The following APC variants were observed in gnomAD, a reference collection of about 807,000 sequenced individuals.
APC encodes APC regulator of Wnt signaling pathway.
Under a neutral mutation model 247.0 loss-of-function variants are expected in APC, and 72 were observed. The observed-to-expected ratio is 0.29, with a 90% CI of 0.24 to 0.35. APC has a LOEUF of 0.35. Ranked by LOEUF, APC falls within the 10% of genes least tolerant of loss-of-function variation. The pLI is 1.00. For missense variants in APC, 3,400 were observed against 3,360.7 expected, an observed-to-expected ratio of 1.01 and a Z score of -0.29; for synonymous variants, 1,254 against 1,162.5, an observed-to-expected ratio of 1.08 and a Z score of -1.60.
chr5:112,727,977 C>A (rs1751885820), intron 1 of APC, among the ~76,000 whole-genome samples: 1 of 151,904 alleles, frequency 6.6e-6, no homozygotes, highest in African/African-American at 2.4e-5. Context: ...TTTTATCCCT[C>A]CATAGGAAAG....
intron 6 of APC, among the ~76,000 whole-genome samples, chr5:112,781,206 T>C (rs1758311439): frequency 1.3e-5 from 2 of 152,196 alleles, no homozygotes; most frequent in Non-Finnish European, 2.9e-5. Flanking sequence ...CTTTGAAATT[T>C]TTACTTCTTG....
chr5:112,714,736 A>C (rs1751059219), intron 1 of APC, among the ~76,000 whole-genome samples: 1 of 152,170 alleles, frequency 6.6e-6, no homozygotes. Flanking sequence ...ATCCCTAAAA[A>C]GTTTATTATC....
At chr5:112,797,008 T>A (rs1760277316) in intron 7 of APC, among the ~76,000 whole-genome samples, 1 of 152,140 alleles carries the variant, frequency 6.6e-6, no homozygotes, top group African/African-American at 2.4e-5. Context: ...TAGTACCATT[T>A]ATTAATAGTA....
intron 6 of APC, among the ~76,000 whole-genome samples, chr5:112,783,519 A>G (rs535167966): frequency 6.6e-6 from 1 of 151,790 alleles, no homozygotes; most frequent in Admixed American, 6.6e-5. Context: ...CATGCCAGGC[A>G]TGGTGATTCA....
chr5:112,744,986 T>C (rs1426555084), intron 1 of APC, among the ~76,000 whole-genome samples: 3 of 152,190 alleles, frequency 2.0e-5, no homozygotes, highest in South Asian at 4.1e-4. Context: ...TCATAGGTGG[T>C]TGTGAGGATT....
Position 112,839,711 on chromosome 5 carries a change from C to A in APC, c.4117C>A (p.Pro1373Thr), listed in dbSNP as rs1580644187. 3 of 1,614,128 alleles carry A rather than the reference C, an allele frequency of 1.9e-6. No individual in the cohort carries two copies. Among genetic ancestry groups the A allele is most frequent in the Non-Finnish European group, 2.5e-6 (3 of 1,180,010 alleles). Reference sequence around the variant, plus strand: ...TGGTGCTCAGACACCCAAAAGTCCACCTGAACACTATGTTCAGGAGACCCC... The same window carrying A: ...TGGTGCTCAGACACCCAAAAGTCCAACTGAACACTATGTTCAGGAGACCCC... The part of the protein sequence containing the change: ...KSGAQTPKSP[P>T]EHYVQETPLM... The change falls in exon 16 of 16, where the codon CCT (proline) becomes ACT (threonine). Residue 1373 changes from proline to threonine, a missense_variant. Pro to Thr is a conservative substitution (Grantham distance 38, BLOSUM62 -1). Coordinates refer to ENST00000257430, the MANE Select transcript of APC (RefSeq NM_000038.6). This position sits in a 1 kb window ranked among gnomAD's most constrained non-coding sequence, Gnocchi z 5.0.
chr5:112,820,741 A>G (rs1378511968), intron 10 of APC, among the ~76,000 whole-genome samples: 2 of 152,228 alleles, frequency 1.3e-5, no homozygotes, highest in African/African-American at 2.4e-5. Context: ...AACCTCGTGC[A>G]TAGTATTGAA....
At chr5:112,826,578 A>AT (rs1468376712) in intron 11 of APC, among the ~76,000 whole-genome samples, 117 of 123,984 alleles carry the variant, frequency 9.4e-4, no homozygotes, top group Non-Finnish European at 1.8e-3. Context: ...ACAGATGATC[A>AT]TTTTTTGTAA....
rs369980858 is a variant in APC at position 112,720,505 on chromosome 5, C to T, written c.165+12623C>T. On this transcript the variant is annotated intron_variant, in intron 1 of 13. Coordinates refer to the APC transcript ENST00000507379. ...TCATTAAGTCTCTCATGAACCCTCC[C>T]GTCCTACCCATCTCCTATTTTAAAC... Among the ~76,000 whole-genome samples the T allele has an allele frequency of 1.1e-3, 171 of 152,312 alleles. 4 individuals carry two copies. The South Asian group carries it at 0.033, about 29-fold the overall frequency.
chr5:112,835,194 A>T, intron 15 of APC, 29 bp downstream of exon 15: 1 of 1,569,244 alleles, frequency 6.4e-7, no homozygotes, highest in South Asian at 1.1e-5. Flanking sequence ...ATTACTTTTA[A>T]AGTACAGAAT....
intron 5 of APC, among the ~76,000 whole-genome samples, chr5:112,776,473 T>C (rs543963172): frequency 1.6e-4 from 25 of 152,246 alleles, no homozygotes; most frequent in Non-Finnish European, 3.5e-4. Context: ...TAGGTTTCCA[T>C]GAGCCAAGTC....
intron 15 of APC, among the ~76,000 whole-genome samples, chr5:112,836,165 T>TCCCCCCCCCCCCCCCCCCCC (rs59050067): frequency 3.3e-4 from 8 of 24,492 alleles, no homozygotes; most frequent in Non-Finnish European, 5.1e-4. Flanking sequence ...GGATTACAGG[T>TCCCCCCCCCCCCCCCCCCCC]CCCCCCCCCC....
chr5:112,827,118 G>A lies in APC; in HGVS notation c.1419G>A (p.Gln473=), dbSNP rs141579422. 259 of 1,613,470 alleles carry A rather than the reference G, an allele frequency of 1.6e-4. 1 individual carries two copies. Among genetic ancestry groups the A allele is most frequent in the Admixed American group, 3.7e-4 (22 of 59,946 alleles). The stretch of plus-strand genomic sequence containing the variant: ...CCCTTTTTAAATTAGGGGGACTACA[G>A]GCCATTGCAGAATTATTGCAAGTGG... The part of the protein sequence containing the change: ...RHAMNELGGL[Q]AIAELLQVDC... The change falls in exon 12 of 16, where the codon CAG becomes CAA. Residue 473 remains glutamine (Q), a synonymous_variant. Coordinates refer to ENST00000257430, the MANE Select transcript of APC (RefSeq NM_000038.6).
Position 112,767,191 on chromosome 5 carries a change from C to A in APC, c.223C>A (p.Leu75Ile), listed in dbSNP as rs760790156. 2 of 1,612,606 alleles carry A rather than the reference C, an allele frequency of 1.2e-6. No individual in the cohort carries two copies. The highest frequency in any genetic ancestry group is 1.7e-6 in the Non-Finnish European group (2 of 1,178,670). ...QIDLLERLKE[L>I]NLDSSNFPGV... The stretch of plus-strand genomic sequence containing the variant: ...AAACTTGTTTCTATTTTATTTAGAG[C>A]TTAACTTAGATAGCAGTAATTTCCC... Residue 75 changes from leucine (L) to isoleucine (I), a missense_variant and splice_region_variant, in exon 4 of 16, where the codon CTT (leucine) becomes ATT (isoleucine). Coordinates refer to ENST00000257430, the MANE Select transcript of APC (RefSeq NM_000038.6).
rs904971132 is a variant in APC, at chr5:112,840,189, A to C, written c.4595A>C (p.Asp1532Ala). 4 of 1,614,220 alleles carry C rather than the reference A, an allele frequency of 2.5e-6. No individual in the cohort carries two copies. The highest frequency in any genetic ancestry group is 3.4e-6 in the Non-Finnish European group (4 of 1,180,024). The change falls in exon 16 of 16, where the codon GAC (aspartate) becomes GCC (alanine). Residue 1532 changes from aspartate to alanine, a missense_variant. Physicochemically the swap from Asp to Ala is moderately radical, Grantham distance 126 (BLOSUM62 -2). Transcript: ENST00000257430. The surrounding 1 kb of genome is among the most constrained non-coding windows in gnomAD (Gnocchi z 4.1). ...ATAATGCCTCCAGTTCAGGAAAATG[A>C]CAATGGGAATGAAACAGAATCAGAG... Reference protein sequence around the residue: ...LRIMPPVQENDNGNETESEQP... With the variant: ...LRIMPPVQENANGNETESEQP...
chr5:112,839,750 A>C lies in APC; in HGVS notation c.4156A>C (p.Arg1386=). Residue 1386 remains arginine, a synonymous_variant, in exon 16 of 16, where the codon AGA becomes CGA. Coordinates refer to ENST00000257430, the MANE Select transcript of APC (RefSeq NM_000038.6). This position sits in a 1 kb window ranked among gnomAD's most constrained non-coding sequence, Gnocchi z 5.0. ...TCAGGAGACCCCACTCATGTTTAGC[A>C]GATGTACTTCTGTCAGTTCACTTGA... is the stretch of plus-strand genomic sequence containing the variant. The part of the protein sequence containing the change: ...YVQETPLMFS[R]CTSVSSLDSF... 1 of 1,614,158 alleles carries C rather than the reference A, an allele frequency of 6.2e-7. No individual in the cohort carries two copies. Among genetic ancestry groups the C allele is most frequent in the Non-Finnish European group, 8.5e-7 (1 of 1,180,018 alleles).
At chr5:112,718,138 A>G (rs904362968) in intron 1 of APC, among the ~76,000 whole-genome samples, 2 of 151,618 alleles carry the variant, frequency 1.3e-5, no homozygotes, top group Non-Finnish European at 2.9e-5. Context: ...TTTAAGCAAA[A>G]ATATTTAAGT....
chr5:112,777,633 C>T (rs370965833), intron 5 of APC: 45 of 186,666 alleles, frequency 2.4e-4, no homozygotes, highest in Admixed American at 1.2e-3. Context: ...TAAAACAGGG[C>T]GAACAATTAC....
chr5:112,809,487 T>C (rs1434926045), intron 8 of APC, among the ~76,000 whole-genome samples: 2 of 151,108 alleles, frequency 1.3e-5, no homozygotes, highest in African/African-American at 4.9e-5. Flanking sequence ...AGAAGATGAA[T>C]ACCTAGCCTA....
Sources: gnomAD v4.1 joint callset for allele counts (sites outside exome capture counted in the v4.1 genomes callset) on GRCh38, gnomAD v4.1.1 for gene constraint, Gnocchi (gnomAD v3.1) non-coding constraint, MANE v1.5 for transcripts, NCBI Gene and HGNC (gene_info 2026-07-23, HGNC 2026-07-21) for gene names.